ADH4: variants seen among roughly 807,000 people sequenced by gnomAD.
ADH4 encodes all-trans-retinol dehydrogenase [NAD(+)] ADH4.
In ADH4, 31 loss-of-function variants were observed where a neutral mutation model predicts 35.2. The observed-to-expected ratio is 0.88, with a 90% confidence interval of 0.66 to 1.19. The LOEUF (loss-of-function observed/expected upper bound fraction) is 1.19. ADH4 is among the 50% of genes most tolerant of loss of function. The pLI is 0.00. For missense variants in ADH4, 476 were observed against 458.3 expected (o/e 1.04, Z -0.35); for synonymous variants, 171 against 160.2 (o/e 1.07, Z -0.51).
intron 5 of ADH4, 70 bp from the exon 6 acceptor site, chr4:99,131,834 G>A: frequency 6.6e-7 from 1 of 1,507,602 alleles, no homozygotes; most frequent in South Asian, 1.3e-5. Context: ...TAAGAGTCAG[G>A]AGGAAGTGGG....
chr4:99,141,372 T>A (rs762012208), intron 3 of ADH4, among the ~76,000 whole-genome samples, 169 bp downstream of exon 3: 3 of 152,236 alleles, frequency 2.0e-5, no homozygotes, highest in Non-Finnish European at 2.9e-5. Flanking sequence ...ATTTCAAATA[T>A]TCTGTCCTAT....
At position 99,133,071 on chromosome 4, in the gene ADH4, C is replaced by A. The variant is rs866284592; in HGVS notation, c.583-1307G>T. ...GCTCCAGAGTCTCAGTTAAAAGGAG[C>A]CTGTGAGTCTCTTAGGAAGTGGAAA... On this transcript the variant is annotated intron_variant, in intron 5 of 8. Transcript: ENST00000265512. Among the ~76,000 whole-genome samples, 4 of 152,040 alleles carry A rather than the reference C, an allele frequency of 2.6e-5. No homozygotes were observed. In the East Asian group the frequency reaches 7.7e-4, roughly 29 times the overall value.
intron 6 of ADH4, among the ~76,000 whole-genome samples, chr4:99,128,053 C>G (rs1246645661): frequency 6.6e-6 from 1 of 150,608 alleles, no homozygotes; most frequent in Non-Finnish European, 1.5e-5. Context: ...AGGTCAATAA[C>G]AGCAACTGAA....
rs1243310718 is a variant in ADH4, at chr4:99,124,410, T to C, written c.*32A>G. 6 of 1,456,862 alleles carry C rather than the reference T, an allele frequency of 4.1e-6. No individual in the cohort carries two copies. The highest frequency in any genetic ancestry group is 5.7e-6 in the Non-Finnish European group (6 of 1,049,598). The allele number at this position is 1,456,862 out of a possible 1,614,324, so 90.2% of individuals were successfully genotyped here. Reference sequence around the variant, plus strand: ...ATTAACCAGGCAGGTTCACATTCAATCAGATAGTATTCTGAATTGCTCCTG... The same window carrying C: ...ATTAACCAGGCAGGTTCACATTCAACCAGATAGTATTCTGAATTGCTCCTG... On this transcript the variant is annotated 3_prime_UTR_variant, in exon 9 of 9. Coordinates refer to ENST00000265512, the MANE Select transcript of ADH4 (RefSeq NM_000670.5).
At position 99,124,477 on chromosome 4, in the gene ADH4, C is replaced by T. The variant is rs756373153; in HGVS notation, c.1119-11G>A. On this transcript the variant is annotated splice_polypyrimidine_tract_variant and intron_variant, in intron 8 of 8. Transcript: ENST00000265512. ...AGGATTGTTCGGACGCTGTTAATAA[C>T]AATAAAACATTAATAAGTATAATTT... 6.9e-7 allele frequency: 1 copy of T among 1,446,876 alleles called. No homozygotes were observed. Among genetic ancestry groups the T allele is most frequent in the Non-Finnish European group, 9.5e-7 (1 of 1,047,172 alleles). 89.6% of individuals were successfully genotyped at this position (1,446,876 alleles called of 1,614,324 possible). A position where few individuals can be genotyped will look rare whatever the true frequency, so the allele number is the denominator to read the frequency against.
chr4:99,142,964 A>G lies in ADH4; in HGVS notation c.19-184T>C. 4.8e-6 allele frequency: 3 copies of G among 622,412 alleles called. No individual in the cohort carries two copies. The South Asian group carries it at 5.8e-5, about 12-fold the overall frequency. The allele number at this position is 622,412 out of a possible 1,614,324, so 38.6% of individuals were successfully genotyped here. ...ATTTTAAAGACAAGGGATCTTAAAG[A>G]AAAATAAGAAGTTAAATTCTACATT... On this transcript the variant is annotated intron_variant, in intron 1 of 8. Coordinates refer to ENST00000265512, the MANE Select transcript of ADH4 (RefSeq NM_000670.5).
chr4:99,127,267 C>T lies in ADH4; in HGVS notation c.921G>A (p.Leu307=), dbSNP rs770070155. Residue 307 remains leucine, a synonymous_variant, in exon 7 of 9, where the codon TTG becomes TTA. Coordinates refer to ENST00000265512, the MANE Select transcript of ADH4 (RefSeq NM_000670.5). Reference sequence around the variant, plus strand: ...TTATTAGCTCCTCTGGAAAAATAGTCAATCCTTTGCTACCAGCAGCTACTC... The same window carrying T: ...TTATTAGCTCCTCTGGAAAAATAGTTAATCCTTTGCTACCAGCAGCTACTC... ...FIGVAAGSKG[L]TIFPEELIIG... 6.2e-7 allele frequency: 1 copy of T among 1,612,194 alleles called. No homozygotes were observed. Among genetic ancestry groups the T allele is most frequent in the Admixed American group, 1.7e-5 (1 of 59,886 alleles).
intron 3 of ADH4, among the ~76,000 whole-genome samples, chr4:99,140,151 A>C (rs1383623855): frequency 6.6e-6 from 1 of 152,226 alleles, no homozygotes; most frequent in Non-Finnish European, 1.5e-5. Context: ...CACTTCAGCT[A>C]ACGTTGACAT....
At position 99,136,458 on chromosome 4, in the gene ADH4, C is replaced by T; in HGVS notation, c.582+8G>A. 6.2e-7 allele frequency: 1 copy of T among 1,611,394 alleles called. No individual in the cohort carries two copies. The highest frequency in any genetic ancestry group is 1.7e-5 in the Admixed American group (1 of 60,008). ...CTGTTTTACACAAACTGGTGTTTAA[C>T]CATTTACCTTGGCATTGTTGATTGC... On this transcript the variant is annotated splice_region_variant and intron_variant, in intron 5 of 8. Coordinates refer to ENST00000265512, the MANE Select transcript of ADH4 (RefSeq NM_000670.5).
chr4:99,125,689 C>T (rs1312635502), intron 8 of ADH4, among the ~76,000 whole-genome samples: 5 of 152,148 alleles, frequency 3.3e-5, no homozygotes, highest in South Asian at 2.1e-4. Context: ...GTGACTGACA[C>T]GTTTGCAAAT....
At chr4:99,142,440 G>A (rs557505401) in intron 2 of ADH4, among the ~76,000 whole-genome samples, 62 of 152,296 alleles carry the variant, frequency 4.1e-4, no homozygotes, top group Non-Finnish European at 7.5e-4. Flanking sequence ...GATTCTTAGG[G>A]TAAATGATTA....
intron 4 of ADH4, among the ~76,000 whole-genome samples, chr4:99,137,777 G>A (rs993060845): frequency 3.3e-5 from 5 of 152,004 alleles, no homozygotes; most frequent in African/African-American, 1.2e-4. Context: ...CACAATATCT[G>A]CTCCCTCCCC....
intron 5 of ADH4, among the ~76,000 whole-genome samples, chr4:99,134,239 C>T (rs562652543): frequency 1.6e-4 from 25 of 152,138 alleles, no homozygotes; most frequent in African/African-American, 3.9e-4. Context: ...TTTCATTGTA[C>T]GCTCTGGTGA....
intron 1 of ADH4, chr4:99,143,154 C>G (rs4699715): frequency 0.97 from 683,678 of 701,870 alleles, 333,079 homozygotes; most frequent in East Asian, 1. Context: ...TTTGAAATCA[C>G]CTCTGAATTA....
At chr4:99,130,344 C>CT (rs1204220072) in intron 6 of ADH4, among the ~76,000 whole-genome samples, 34 of 152,312 alleles carry the variant, frequency 2.2e-4, no homozygotes, top group African/African-American at 8.2e-4. Flanking sequence ...CTTTCTACAG[C>CT]TTCCAGTCAG....
Position 99,124,324 on chromosome 4 carries a change from A to G in ADH4, c.*118T>C. The G allele has an allele frequency of 1.4e-6, 1 of 704,912 alleles. No individual in the cohort carries two copies. Among genetic ancestry groups the G allele is most frequent in the South Asian group, 1.9e-5 (1 of 53,730 alleles). 43.7% of individuals were successfully genotyped at this position (704,912 alleles called of 1,614,324 possible). ...ATTTAAAGCTCTTTTATGTTCCCAT[A>G]TTAAATGTAAATATTTGTTTAAACT... On this transcript the variant is annotated 3_prime_UTR_variant, in exon 9 of 9. Coordinates refer to ENST00000265512, the MANE Select transcript of ADH4 (RefSeq NM_000670.5).
chr4:99,138,461 T>C (rs1729513857), intron 4 of ADH4, among the ~76,000 whole-genome samples: 1 of 152,182 alleles, frequency 6.6e-6, no homozygotes, highest in Non-Finnish European at 1.5e-5. Context: ...TCCAGAGCCA[T>C]ACTGCCGGGG....
At chr4:99,143,978 T>C (rs973942372) in intron 1 of ADH4, among the ~76,000 whole-genome samples, 4 of 152,190 alleles carry the variant, frequency 2.6e-5, no homozygotes, top group African/African-American at 9.7e-5. Context: ...CTCTCTTCTT[T>C]TGGCCATTTA....
In ADH4 at chr4:99,131,531, A is replaced by G; in HGVS notation, c.816T>C (p.Leu272=). 6.2e-7 allele frequency: 1 copy of G among 1,613,974 alleles called. No individual in the cohort carries two copies. Among genetic ancestry groups the G allele is most frequent in the Non-Finnish European group, 8.5e-7 (1 of 1,179,968 alleles). The change falls in exon 6 of 9, where the codon CTT becomes CTC. Residue 272 remains leucine (L), a synonymous_variant. Coordinates refer to ENST00000265512, the MANE Select transcript of ADH4 (RefSeq NM_000670.5). The part of the protein sequence containing the change: ...ELTKGGVDFA[L]DCAGGSETMK... ...TGGTTTCAGATCCACCTGCACAGTCAAGGGCAAAATCCACACCTCCCTTGG... is the reference window on the plus strand; with the variant it reads ...TGGTTTCAGATCCACCTGCACAGTCGAGGGCAAAATCCACACCTCCCTTGG...
Sources: gnomAD v4.1 joint callset for allele counts (sites outside exome capture counted in the v4.1 genomes callset) on GRCh38, gnomAD v4.1.1 for gene constraint, MANE v1.5 for transcripts, NCBI Gene and HGNC (gene_info 2026-07-23, HGNC 2026-07-21) for gene names.